EDIL3: variants seen among roughly 807,000 people sequenced by gnomAD.
EDIL3 encodes EGF-like repeat and discoidin I-like domain-containing protein 3.
EDIL3 carries 37 observed loss-of-function variants against 67.4 expected under a neutral mutation model. The ratio of observed to expected loss-of-function variants is 0.55; its 90% CI spans 0.42 to 0.72. The LOEUF (loss-of-function observed/expected upper bound fraction) is 0.72, where lower values mean the gene tolerates loss of function less well. EDIL3 is among the 30% of genes least tolerant of loss of function. EDIL3 has a pLI of 0.00. For synonymous variants in EDIL3, 195 were observed against 196.3 expected, an observed-to-expected ratio of 0.99 and a Z score of 0.05; for missense variants, 527 against 586.3, an observed-to-expected ratio of 0.90 and a Z score of 1.04.
chr5:83,951,859 T>C (rs1311282554), intron 10 of EDIL3, among the ~76,000 whole-genome samples: 1 of 151,802 alleles, frequency 6.6e-6, no homozygotes, highest in Non-Finnish European at 1.5e-5. Context: ...TAAAAAGATA[T>C]GGGATTAGGG....
chr5:84,373,020 C>T (rs889445291), intron 1 of EDIL3, among the ~76,000 whole-genome samples: 4 of 152,126 alleles, frequency 2.6e-5, no homozygotes, highest in African/African-American at 9.7e-5. Context: ...CATATAACTT[C>T]TGGGTCTGAA....
intron 3 of EDIL3, among the ~76,000 whole-genome samples, chr5:84,228,209 G>T (rs898023456): frequency 3.9e-5 from 6 of 151,904 alleles, no homozygotes; most frequent in Non-Finnish European, 7.4e-5. Context: ...AAGTTAACAG[G>T]GGTTGCTTCT....
intron 9 of EDIL3, among the ~76,000 whole-genome samples, chr5:83,998,313 A>G (rs964858083): frequency 1.3e-5 from 2 of 152,190 alleles, no homozygotes; most frequent in East Asian, 1.9e-4. Flanking sequence ...TAGCACCCAG[A>G]TATCTCAAGA....
chr5:84,328,749 T>C lies in EDIL3; in HGVS notation c.67+55559A>G, dbSNP rs934793210. Among the ~76,000 whole-genome samples the C allele has an allele frequency of 2.6e-5, 4 of 152,098 alleles. No homozygotes were observed. In the East Asian group the frequency reaches 7.7e-4, roughly 29 times the overall value. ...AGTAAAAGAAGTGCAGTTCCCTAAC[T>C]GAGGTAAAATTCAAGTAACTGTCAG... On this transcript the variant is annotated intron_variant, in intron 1 of 10. Coordinates refer to ENST00000296591, the MANE Select transcript of EDIL3 (RefSeq NM_005711.5).
chr5:84,002,186 A>G (rs898223652), intron 9 of EDIL3, among the ~76,000 whole-genome samples: 1 of 152,166 alleles, frequency 6.6e-6, no homozygotes, highest in Non-Finnish European at 1.5e-5. Flanking sequence ...AAACCATATG[A>G]TTAGTTCAAT....
intron 2 of EDIL3, among the ~76,000 whole-genome samples, chr5:84,249,714 T>C (rs1744985440): frequency 6.6e-6 from 1 of 152,172 alleles, no homozygotes; most frequent in East Asian, 1.9e-4. Context: ...GTTTAATGGA[T>C]TACTCTGATA....
chr5:84,090,064 C>A (rs895571634), intron 6 of EDIL3, among the ~76,000 whole-genome samples: 2 of 152,126 alleles, frequency 1.3e-5, no homozygotes, highest in African/African-American at 4.8e-5. Flanking sequence ...ATTTTCACAA[C>A]CCTTTTACTA....
At chr5:84,241,144 T>C (rs139819209) in intron 2 of EDIL3, among the ~76,000 whole-genome samples, 1 of 152,318 alleles carries the variant, frequency 6.6e-6, no homozygotes, top group East Asian at 1.9e-4. Flanking sequence ...GTATAATGAT[T>C]ACTGATATGC....
chr5:84,309,772 T>G (rs1321973096), intron 1 of EDIL3, among the ~76,000 whole-genome samples: 2 of 152,204 alleles, frequency 1.3e-5, no homozygotes, highest in African/African-American at 4.8e-5. Flanking sequence ...ATTCCAAGTC[T>G]TTGCTATTGT....
At chr5:84,156,489 C>CT (rs1748493974) in intron 4 of EDIL3, among the ~76,000 whole-genome samples, 1 of 152,150 alleles carries the variant, frequency 6.6e-6, no homozygotes. Context: ...CTAATAGTCC[C>CT]TCTCGCTACT....
chr5:84,081,393 ATAAAGT>A (rs1420981761), intron 6 of EDIL3, among the ~76,000 whole-genome samples: 1 of 152,206 alleles, frequency 6.6e-6, no homozygotes, highest in Non-Finnish European at 1.5e-5. Context: ...GTAAATAAAG[ATAAAGT>A]TGAAGAAGAA....
rs70975548 is a variant in EDIL3 at position 84,252,493 on chromosome 5, CAAAAAAAAAAA to C, written c.196+1580_196+1590del. Among the ~76,000 whole-genome samples, 17 of 28,952 alleles carry C rather than the reference CAAAAAAAAAAA, an allele frequency of 5.9e-4. 1 individual carries two copies. In the South Asian group the frequency reaches 0.055, roughly 93 times the overall value. 19.0% of individuals were successfully genotyped at this position (28,952 alleles called of 152,430 possible). A position where few individuals can be genotyped will look rare whatever the true frequency, so the allele number is the denominator to read the frequency against. ...TGTGCGACAAAGTGAGACTCCGTCT[CAAAAAAAAAAA>C]AAAAAAAAAAAAAATTCTGCTAAGA... On this transcript the variant is annotated intron_variant, in intron 2 of 10. Coordinates refer to ENST00000296591, the MANE Select transcript of EDIL3 (RefSeq NM_005711.5).
intron 9 of EDIL3, among the ~76,000 whole-genome samples, chr5:83,973,120 A>T (rs1744820933): frequency 6.6e-6 from 1 of 152,036 alleles, no homozygotes. Context: ...TCAAAAATAA[A>T]ATCACCCTGG....
intron 9 of EDIL3, among the ~76,000 whole-genome samples, chr5:83,985,887 T>C (rs1745050379): frequency 6.6e-6 from 1 of 152,064 alleles, no homozygotes; most frequent in African/African-American, 2.4e-5. Context: ...TATTGTTATT[T>C]CATATATCAA....
intron 9 of EDIL3, among the ~76,000 whole-genome samples, chr5:83,977,273 A>C (rs1486605888): frequency 6.6e-6 from 1 of 151,910 alleles, no homozygotes; most frequent in Non-Finnish European, 1.5e-5. Context: ...TTTCAAGTGA[A>C]AACATTTTAT....
At chr5:84,157,105 GT>G (rs759372056) in intron 4 of EDIL3, among the ~76,000 whole-genome samples, 1 of 151,916 alleles carries the variant, frequency 6.6e-6, no homozygotes, top group East Asian at 1.9e-4. Flanking sequence ...CTCTAAGGAT[GT>G]TTTTTTACCA....
chr5:84,264,786 G>A (rs1394384031), intron 1 of EDIL3, among the ~76,000 whole-genome samples: 1 of 152,070 alleles, frequency 6.6e-6, no homozygotes, highest in Non-Finnish European at 1.5e-5. Context: ...CATCATGATG[G>A]CAACAGTTAG....
intron 5 of EDIL3, among the ~76,000 whole-genome samples, chr5:84,108,045 G>A (rs1442096201): frequency 6.6e-6 from 1 of 151,310 alleles, no homozygotes; most frequent in African/African-American, 2.4e-5. Flanking sequence ...GTATATGAAA[G>A]TCAACTTGAT....
chr5:84,157,770 A>G (rs1179844515), intron 4 of EDIL3, among the ~76,000 whole-genome samples: 2 of 152,086 alleles, frequency 1.3e-5, no homozygotes, highest in African/African-American at 4.8e-5. Flanking sequence ...TCTTGTTGGT[A>G]AATTTGCTTT....
Sources: gnomAD v4.1 joint callset for allele counts (sites outside exome capture counted in the v4.1 genomes callset) on GRCh38, gnomAD v4.1.1 for gene constraint, MANE v1.5 for transcripts, NCBI Gene and HGNC (gene_info 2026-07-23, HGNC 2026-07-21) for gene names.